The following INPP5F variants were observed in gnomAD, a reference collection of about 807,000 sequenced individuals.
The protein encoded by INPP5F is inositol polyphosphate-5-phosphatase F, also known as phosphatidylinositide 4-phosphatase SAC2.
A neutral mutation model predicts 137.2 loss-of-function variants in INPP5F; 97 were observed. The ratio of observed to expected loss-of-function variants is 0.71; its 90% CI spans 0.60 to 0.84. The LOEUF (loss-of-function observed/expected upper bound fraction) is 0.84, where lower values mean the gene tolerates loss of function less well. Among genes scored for constraint, INPP5F ranks in the 40% least tolerant of loss-of-function variants. The probability of loss-of-function intolerance (pLI) is 0.00; values close to 1 mark genes in which losing one functional copy is unlikely to be tolerated. For missense variants in INPP5F, 1,271 were observed against 1,371.9 expected (o/e 0.93, Z 1.16); for synonymous variants, 504 against 476.9 (o/e 1.06, Z -0.74).
At chr10:119,755,963 C>T (rs1456324920) in intron 2 of INPP5F, among the ~76,000 whole-genome samples, 5 of 152,024 alleles carry the variant, frequency 3.3e-5, no homozygotes, top group Non-Finnish European at 5.9e-5. Flanking sequence ...CGAGGCCAGC[C>T]TGACCAACAT....
At chr10:119,816,030 A>G (rs1044905226) in intron 15 of INPP5F, 2 of 152,306 alleles carry the variant, frequency 1.3e-5, no homozygotes, top group Non-Finnish European at 2.9e-5. Context: ...TGGAGCCAAC[A>G]GCTTCTCAGG....
In INPP5F at chr10:119,827,560, C is replaced by T. The variant is rs1246728148; in HGVS notation, c.3179C>T (p.Ser1060Leu). 1.9e-6 allele frequency: 3 copies of T among 1,614,180 alleles called. No individual in the cohort carries two copies. The Admixed American group carries it at 5.0e-5, about 27-fold the overall frequency. ...GGGCTTCATGTAACTCCTTCTCCTT[C>T]AGAGAGCAGTAGCAGCAGAGCAGTC... The part of the protein sequence containing the change: ...ETGLHVTPSP[S>L]ESSSSRAVSP... Residue 1060 changes from serine to leucine, a missense_variant, in exon 20 of 20, where the codon TCA (serine) becomes TTA (leucine). Transcript: ENST00000650623.
intron 15 of INPP5F, chr10:119,819,564 A>C: frequency 6.3e-7 from 1 of 1,577,920 alleles, no homozygotes; most frequent in Non-Finnish European, 8.6e-7. Context: ...GTAAAACTTA[A>C]CATTTTACAG....
intron 6 of INPP5F, among the ~76,000 whole-genome samples, chr10:119,795,311 A>G (rs1257561543): frequency 6.6e-6 from 1 of 150,748 alleles, no homozygotes; most frequent in African/African-American, 2.4e-5. Context: ...GACGCTCCTC[A>G]CTTCCCAGAC....
chr10:119,778,127 C>G (rs1849584066), intron 2 of INPP5F, among the ~76,000 whole-genome samples: 1 of 152,088 alleles, frequency 6.6e-6, no homozygotes, highest in Non-Finnish European at 1.5e-5. Context: ...ATGCCTCAGC[C>G]TCCCGAGTAG....
intron 18 of INPP5F, 39 bp from the exon 19 acceptor site, chr10:119,823,776 T>G (rs1372515623): frequency 1.1e-5 from 16 of 1,510,040 alleles, no homozygotes; most frequent in Non-Finnish European, 1.3e-5. Flanking sequence ...TTTAGTATGT[T>G]TATGGAGAAA....
chr10:119,828,689 T>C lies in INPP5F; in HGVS notation c.*909T>C, dbSNP rs1129793. On this transcript the variant is annotated 3_prime_UTR_variant, in exon 20 of 20. Coordinates refer to ENST00000650623, the MANE Select transcript of INPP5F (RefSeq NM_014937.4). ...TTGAGACCAGCCTGGGAAACATCTG[T>C]CTCTACAAAAAAATACAAAAATTAG... The C allele has an allele frequency of 0.54, 81,706 of 152,046 alleles. 22,362 individuals are homozygous for C. Among genetic ancestry groups the C allele is most frequent in the East Asian group, 0.63 (3,224 of 5,154 alleles). 9.4% of individuals were successfully genotyped at this position (152,046 alleles called of 1,614,324 possible). A position where few individuals can be genotyped will look rare whatever the true frequency, so the allele number is the denominator to read the frequency against.
chr10:119,739,901 A>C (rs894032105), intron 1 of INPP5F, among the ~76,000 whole-genome samples: 1 of 152,142 alleles, frequency 6.6e-6, no homozygotes, highest in Non-Finnish European at 1.5e-5. Context: ...TTACAGGTGT[A>C]AGCTACCACA....
chr10:119,818,736 A>T (rs1398258627), intron 15 of INPP5F: 1 of 152,282 alleles, frequency 6.6e-6, no homozygotes, highest in Non-Finnish European at 1.5e-5. Flanking sequence ...CATTCGCTGC[A>T]GGCGCGAGGT....
chr10:119,827,405 T>G lies in INPP5F; in HGVS notation c.3024T>G (p.Pro1008=). 6.2e-7 allele frequency: 1 copy of G among 1,614,150 alleles called. No homozygotes were observed. ...ETQSESTEQT[P]SRPSQLDVSL... ...AATCAGAATCAACAGAACAGACACC[T>G]TCTCGGCCATCGCAATTAGATGTCT... Residue 1008 remains proline (P), a synonymous_variant, in exon 20 of 20, where the codon CCT becomes CCG. Transcript: ENST00000650623.
chr10:119,816,601 C>G (rs916433803), intron 15 of INPP5F: 10 of 152,258 alleles, frequency 6.6e-5, no homozygotes, highest in African/African-American at 2.2e-4. Flanking sequence ...TGGAAACCTG[C>G]TCTTGGGCCG....
At chr10:119,733,329 T>C (rs186197997) in intron 1 of INPP5F, among the ~76,000 whole-genome samples, 1 of 152,340 alleles carries the variant, frequency 6.6e-6, no homozygotes, top group East Asian at 1.9e-4. Context: ...AATTGACTAG[T>C]AGTAGTTTTT....
chr10:119,780,909 G>A (rs549171932), intron 2 of INPP5F, among the ~76,000 whole-genome samples: 9 of 152,308 alleles, frequency 5.9e-5, no homozygotes, highest in African/African-American at 1.4e-4. Flanking sequence ...TTGAGCATCC[G>A]TGGAGTTTGG....
Position 119,726,219 on chromosome 10 carries a change from G to GCGCCGCCCGCGGGC in INPP5F, c.-36_-23dup, listed in dbSNP as rs1847878774. On this transcript the variant is annotated 5_prime_UTR_variant, in exon 1 of 20. Transcript: ENST00000650623. ...GCCTCGACCGACTAGGACGCCCCGT[G>GCGCCGCCCGCGGGC]CGCCGCCCGCGGGCCGCCGCCTCCC... is the stretch of plus-strand genomic sequence containing the variant. 1 of 1,326,170 alleles carries GCGCCGCCCGCGGGC rather than the reference G, an allele frequency of 7.5e-7. No homozygotes were observed. Among genetic ancestry groups the GCGCCGCCCGCGGGC allele is most frequent in the Admixed American group, 3.2e-5 (1 of 31,600 alleles). 82.2% of individuals were successfully genotyped at this position (1,326,170 alleles called of 1,614,324 possible). A position where few individuals can be genotyped will look rare whatever the true frequency, so the allele number is the denominator to read the frequency against.
chr10:119,746,899 G>C (rs1420217648), intron 1 of INPP5F, among the ~76,000 whole-genome samples: 1 of 150,196 alleles, frequency 6.7e-6, no homozygotes. Flanking sequence ...AGCGATTCTT[G>C]TGCCTCAGCC....
intron 2 of INPP5F, among the ~76,000 whole-genome samples, chr10:119,752,173 T>A (rs1848707426): frequency 6.6e-6 from 1 of 152,230 alleles, no homozygotes. Flanking sequence ...GATTCTTTGG[T>A]TGTTTTTAGA....
At chr10:119,736,809 C>T (rs1216446735) in intron 1 of INPP5F, among the ~76,000 whole-genome samples, 2 of 152,130 alleles carry the variant, frequency 1.3e-5, no homozygotes, top group African/African-American at 4.8e-5. Flanking sequence ...GGAATTAGAT[C>T]CCTTTTTAAA....
intron 6 of INPP5F, among the ~76,000 whole-genome samples, chr10:119,793,424 CAAAACAA>C (rs1218888951): frequency 6.6e-6 from 1 of 151,962 alleles, no homozygotes; most frequent in East Asian, 1.9e-4. Context: ...CAAAACAAAA[CAAAACAA>C]AACAAAACTG....
In INPP5F at chr10:119,805,023, G is replaced by A. The variant is rs139255819; in HGVS notation, c.1242-361G>A. 2.0e-3 allele frequency among the ~76,000 whole-genome samples: 299 copies of A among 152,256 alleles called. 1 individual carries two copies. The highest frequency in any genetic ancestry group is 6.8e-3 in the African/African-American group (284 of 41,544). On this transcript the variant is annotated intron_variant, in intron 10 of 19. Transcript: ENST00000650623. ...ATTACAGGCATGAGCCAATGTGCCC[G>A]GCCCAGTGAATCATTTTGATGGTGC...
Sources: allele counts gnomAD v4.1 joint callset (sites outside exome capture counted in the v4.1 genomes callset), GRCh38; gene constraint gnomAD v4.1.1; transcripts MANE v1.5; gene names NCBI Gene and HGNC (gene_info 2026-07-23, HGNC 2026-07-21).